The following USH2A variants were observed in gnomAD, a reference collection of about 807,000 sequenced individuals.
USH2A encodes usherin.
USH2A carries 443 observed loss-of-function variants against 538.9 expected under a neutral mutation model. The ratio of observed to expected loss-of-function variants is 0.82; its 90% CI spans 0.76 to 0.89. The LOEUF (loss-of-function observed/expected upper bound fraction) is 0.89, where lower values mean the gene tolerates loss of function less well. Ranked by LOEUF, USH2A falls within the 40% of genes least tolerant of loss-of-function variation. The pLI is 0.00. For synonymous variants in USH2A, 2,413 were observed against 2,273.5 expected (o/e 1.06, Z -1.75); for missense variants, 6,633 against 6,324.8 (o/e 1.05, Z -1.65).
Position 215,995,441 on chromosome 1 carries a change from C to T in USH2A, c.6658-2274G>A, listed in dbSNP as rs1668112284. The stretch of plus-strand genomic sequence containing the variant: ...TCTTTTTGGATGCATTTAGAGGGTC[C>T]TAAGTAAGCAGGACATTATCTTAGT... On this transcript the variant is annotated intron_variant, in intron 34 of 71. Transcript: ENST00000307340. Among the ~76,000 whole-genome samples, 5 of 152,218 alleles carry T rather than the reference C, an allele frequency of 3.3e-5. No individual in the cohort carries two copies. In the South Asian group the frequency reaches 1.0e-3, roughly 32 times the overall value.
chr1:215,983,140 G>A (rs1055842065), intron 35 of USH2A, among the ~76,000 whole-genome samples: 5 of 151,918 alleles, frequency 3.3e-5, no homozygotes, highest in South Asian at 2.1e-4. Context: ...TAGTAGAGAC[G>A]GGGTTTCGCC....
chr1:216,312,609 T>C (rs1005501305), intron 9 of USH2A, among the ~76,000 whole-genome samples: 1 of 152,166 alleles, frequency 6.6e-6, no homozygotes, highest in African/African-American at 2.4e-5. Context: ...TCTATGAAAG[T>C]GTTTCTGATC....
chr1:216,050,259 G>A (rs950363621), intron 30 of USH2A, among the ~76,000 whole-genome samples: 3 of 152,162 alleles, frequency 2.0e-5, no homozygotes, highest in Admixed American at 6.5e-5. Context: ...ATCTGCTGCC[G>A]ATTGGCCATA....
Position 216,050,604 on chromosome 1 carries a change from CTTTTTTTT to C in USH2A, c.6050-1965_6050-1958del, listed in dbSNP as rs746265112. On this transcript the variant is annotated intron_variant, in intron 30 of 71. Coordinates refer to ENST00000307340, the MANE Select transcript of USH2A (RefSeq NM_206933.4). ...TCTTTCTTTCTTTCTTTCTTTCTTTCTTTTTTTTTTTTTTTTTTGAGACAGAGTCTCGC... is the reference window on the plus strand; with the variant it reads ...TCTTTCTTTCTTTCTTTCTTTCTTTCTTTTTTTTTTGAGACAGAGTCTCGC... 1.6e-4 allele frequency among the ~76,000 whole-genome samples: 11 copies of C among 68,032 alleles called. 1 individual carries two copies. Among genetic ancestry groups the C allele is most frequent in the South Asian group, 1.1e-3 (2 of 1,876 alleles). 44.6% of individuals were successfully genotyped at this position (68,032 alleles called of 152,430 possible). A position where few individuals can be genotyped will look rare whatever the true frequency, so the allele number is the denominator to read the frequency against.
chr1:215,711,159 T>TGGG (rs1241461728), intron 61 of USH2A, among the ~76,000 whole-genome samples: 5 of 152,228 alleles, frequency 3.3e-5, no homozygotes, highest in Admixed American at 6.5e-5. Context: ...AATATTGAAT[T>TGGG]CATATATTTC....
chr1:216,204,300 GGGC>G (rs2035064936), intron 16 of USH2A: 1 of 152,164 alleles, frequency 6.6e-6, no homozygotes, highest in Non-Finnish European at 1.5e-5. Flanking sequence ...GATACTGTTA[GGGC>G]TGATTATGTA....
chr1:216,252,748 T>C (rs1031358277), intron 11 of USH2A, among the ~76,000 whole-genome samples: 1 of 152,216 alleles, frequency 6.6e-6, no homozygotes, highest in Non-Finnish European at 1.5e-5. Context: ...TGCCTGGCTG[T>C]TTCTCAGTCT....
At chr1:216,200,683 A>G (rs1186423236) in intron 16 of USH2A, among the ~76,000 whole-genome samples, 1 of 152,250 alleles carries the variant, frequency 6.6e-6, no homozygotes, top group Non-Finnish European at 1.5e-5. Context: ...CAGGACTTCT[A>G]TGCATGAAGG....
At chr1:215,629,172 C>T in intron 70 of USH2A, 137 bp from the exon 71 acceptor site, 2 of 926,316 alleles carry the variant, frequency 2.2e-6, no homozygotes, top group Non-Finnish European at 3.4e-6. Flanking sequence ...ATGAAGGGAA[C>T]AACTGTCACC....
rs76661079 is a variant in USH2A at position 215,810,062 on chromosome 1, A to C, written c.9739+3674T>G. On this transcript the variant is annotated intron_variant, in intron 49 of 71. Coordinates refer to ENST00000307340, the MANE Select transcript of USH2A (RefSeq NM_206933.4). ...CAAAACACTCTTTGATTATTTCATG[A>C]GATTGCTTTTTTCCTTTTTTCTTGA... is the stretch of plus-strand genomic sequence containing the variant. Among the ~76,000 whole-genome samples the C allele has an allele frequency of 4.0e-3, 607 of 152,244 alleles. 4 individuals carry two copies. The highest frequency in any genetic ancestry group is 0.014 in the African/African-American group (562 of 41,550).
At chr1:216,049,611 C>T (rs1016211140) in intron 30 of USH2A, among the ~76,000 whole-genome samples, 1 of 152,138 alleles carries the variant, frequency 6.6e-6, no homozygotes, top group Non-Finnish European at 1.5e-5. Context: ...AACCTTCAAT[C>T]GCTCAGAGAA....
At chr1:216,065,695 G>C (rs143120298) in intron 30 of USH2A, among the ~76,000 whole-genome samples, 2,104 of 152,104 alleles carry the variant, frequency 0.014, 38 homozygotes, top group African/African-American at 0.044. Flanking sequence ...TCAGGAGTTC[G>C]AGACCAGCCT....
chr1:215,656,324 A>T (rs761371005), intron 64 of USH2A, among the ~76,000 whole-genome samples: 1 of 151,946 alleles, frequency 6.6e-6, no homozygotes, highest in Admixed American at 6.6e-5. Context: ...CATAAGAAAA[A>T]CCCCTAAATT....
In USH2A at chr1:215,900,194, G is replaced by A. The variant is rs483353056; in HGVS notation, c.7475C>T (p.Ser2492Leu). The change falls in exon 40 of 72, where the codon TCG (serine) becomes TTG (leucine). Residue 2492 changes from serine to leucine, a missense_variant. Transcript: ENST00000307340. ...FLELFSNPSA[S>L]LSYEVSDLQP... ...GAGATCACTCACTTCATAGCTTAAC[G>A]ATGCAGAAGGATTGGAAAATAACCT... The A allele has an allele frequency of 7.7e-5, 124 of 1,613,402 alleles. No individual in the cohort carries two copies. Among genetic ancestry groups the A allele is most frequent in the Non-Finnish European group, 9.8e-5 (116 of 1,179,716 alleles).
In USH2A at chr1:215,694,279, A is replaced by T. The variant is rs551243518; in HGVS notation, c.12067-13903T>A. Among the ~76,000 whole-genome samples, 4 of 152,334 alleles carry T rather than the reference A, an allele frequency of 2.6e-5. No homozygotes were observed. The East Asian group carries it at 7.7e-4, about 29-fold the overall frequency. On this transcript the variant is annotated intron_variant, in intron 61 of 71. Coordinates refer to ENST00000307340, the MANE Select transcript of USH2A (RefSeq NM_206933.4). Reference sequence around the variant, plus strand: ...TAAAACTATTTGTTGAAAACAAGACATTCAAAATTTCTTGCCAGGCGTGGT... The same window carrying T: ...TAAAACTATTTGTTGAAAACAAGACTTTCAAAATTTCTTGCCAGGCGTGGT...
At chr1:215,799,909 CCGGGAGG>C (rs1662273105) in intron 49 of USH2A, among the ~76,000 whole-genome samples, 1 of 152,062 alleles carries the variant, frequency 6.6e-6, no homozygotes, top group African/African-American at 2.4e-5. Context: ...TTGCTTGAAC[CCGGGAGG>C]CGGGAGGCAG....
At position 215,639,129 on chromosome 1, in the gene USH2A, C is replaced by T. The variant is rs372340773; in HGVS notation, c.15052+26G>A. Reference sequence around the variant, plus strand: ...TCTTGAGGAAGATGAATAGGTGCTACGCCAAGTATAATATGAGTTGTTTAC... The same window carrying T: ...TCTTGAGGAAGATGAATAGGTGCTATGCCAAGTATAATATGAGTTGTTTAC... On this transcript the variant is annotated intron_variant, in intron 69 of 71. Coordinates refer to ENST00000307340, the MANE Select transcript of USH2A (RefSeq NM_206933.4). 4.8e-5 allele frequency: 77 copies of T among 1,608,476 alleles called. No individual in the cohort carries two copies. In the Middle Eastern group the frequency reaches 1.2e-3, roughly 24 times the overall value.
Position 215,674,358 on chromosome 1 carries a change from A to C in USH2A, c.13553T>G (p.Ile4518Ser). Residue 4518 changes from isoleucine (I) to serine (S), a missense_variant, in exon 63 of 72, where the codon ATT (isoleucine) becomes AGT (serine). Coordinates refer to ENST00000307340, the MANE Select transcript of USH2A (RefSeq NM_206933.4). ...TCGATCTTTGACAAGAGGACTCAAA[A>C]TACCCCCTTGGCTGTTGCTGGCAGT... ...TVTASNSQGG[I>S]LSPLVKDRTS... 6.2e-7 allele frequency: 1 copy of C among 1,613,898 alleles called. No individual in the cohort carries two copies. Among genetic ancestry groups the C allele is most frequent in the South Asian group, 1.1e-5 (1 of 91,076 alleles).
intron 9 of USH2A, among the ~76,000 whole-genome samples, chr1:216,312,306 T>A (rs1558033007): frequency 6.6e-6 from 1 of 152,152 alleles, no homozygotes; most frequent in African/African-American, 2.4e-5. Context: ...AGGCTCCTTT[T>A]AAGATATTTT....
Sources: allele counts gnomAD v4.1 joint callset (sites outside exome capture counted in the v4.1 genomes callset), GRCh38; gene constraint gnomAD v4.1.1; transcripts MANE v1.5; gene names NCBI Gene and HGNC (gene_info 2026-07-23, HGNC 2026-07-21).